RFX3: variants seen among roughly 807,000 people sequenced by gnomAD.
RFX3 encodes transcription factor RFX3.
A neutral mutation model predicts 98.6 loss-of-function variants in RFX3; 14 were observed. The ratio of observed to expected loss-of-function variants is 0.14; its 90% CI spans 0.09 to 0.22. RFX3 has a LOEUF of 0.22. Among genes scored for constraint, RFX3 ranks in the 10% least tolerant of loss-of-function variants. The pLI, the probability that RFX3 is intolerant of heterozygous loss-of-function variation, is 1.00. For missense variants in RFX3, 639 were observed against 926.9 expected (o/e 0.69, Z 4.03); for synonymous variants, 383 against 328.4 (o/e 1.17, Z -1.80).
At chr9:3,226,184 GTCTCCAT>G (rs561798381) in intron 16 of RFX3, among the ~76,000 whole-genome samples, 2 of 152,068 alleles carry the variant, frequency 1.3e-5, no homozygotes, top group Non-Finnish European at 2.9e-5. Context: ...ACAGAGTCAG[GTCTCCAT>G]TCTCTACTGT....
chr9:3,477,985 G>GTT (rs1425871086), intron 1 of RFX3, among the ~76,000 whole-genome samples: 3 of 151,962 alleles, frequency 2.0e-5, no homozygotes, highest in Non-Finnish European at 4.4e-5. Context: ...GAACTTCCTT[G>GTT]TTTTTTAATA....
chr9:3,278,840 T>C (rs377148040), intron 7 of RFX3, among the ~76,000 whole-genome samples: 21 of 151,896 alleles, frequency 1.4e-4, no homozygotes, highest in East Asian at 7.7e-4. Context: ...GGGGAAGAGA[T>C]TGGAAATCAG....
intron 4 of RFX3, among the ~76,000 whole-genome samples, chr9:3,327,545 A>G (rs183287760): frequency 4.0e-4 from 61 of 152,258 alleles, no homozygotes; most frequent in African/African-American, 1.4e-3. Flanking sequence ...ATTTTTCCAT[A>G]CAAAAGTTAC....
In RFX3 at chr9:3,224,179, A is replaced by G. The variant is rs964395833; in HGVS notation, c.*863T>C. On this transcript the variant is annotated 3_prime_UTR_variant, in exon 17 of 17. Transcript: ENST00000617270. The stretch of plus-strand genomic sequence containing the variant: ...AGTAGCATGTACACTTAAAAAAAAA[A>G]AGTCAAGTCTTTTTTTTCTGCTTCA... 1.3e-5 allele frequency: 2 copies of G among 152,118 alleles called. No individual in the cohort carries two copies. The highest frequency in any genetic ancestry group is 4.8e-5 in the African/African-American group (2 of 41,432). The allele number at this position is 152,118 out of a possible 1,614,324, so 9.4% of individuals were successfully genotyped here. A position where few individuals can be genotyped will look rare whatever the true frequency, so the allele number is the denominator to read the frequency against.
At chr9:3,486,828 T>C (rs1167819348) in intron 1 of RFX3, among the ~76,000 whole-genome samples, 2 of 152,188 alleles carry the variant, frequency 1.3e-5, no homozygotes, top group Non-Finnish European at 2.9e-5. Flanking sequence ...GGGCCCCAGA[T>C]ACGATTTATT....
intron 12 of RFX3, among the ~76,000 whole-genome samples, chr9:3,263,629 A>T (rs1823208430): frequency 6.6e-6 from 1 of 152,348 alleles, no homozygotes; most frequent in East Asian, 1.9e-4. Flanking sequence ...AGGCGAGATT[A>T]TCAGAGGCAA....
At chr9:3,436,055 A>C (rs1294189974) in intron 1 of RFX3, among the ~76,000 whole-genome samples, 1 of 152,024 alleles carries the variant, frequency 6.6e-6, no homozygotes, top group African/African-American at 2.4e-5. Context: ...GGTCATGTAC[A>C]TCCTTGAAAG....
chr9:3,328,641 T>C (rs1832207121), intron 4 of RFX3, among the ~76,000 whole-genome samples: 1 of 152,110 alleles, frequency 6.6e-6, no homozygotes, highest in Non-Finnish European at 1.5e-5. Flanking sequence ...CTGATGTTAG[T>C]AACAAATAGC....
chr9:3,511,667 CACAA>C (rs1333794122), intron 1 of RFX3, among the ~76,000 whole-genome samples: 2 of 152,004 alleles, frequency 1.3e-5, no homozygotes, highest in African/African-American at 4.8e-5. Flanking sequence ...CAAATATACC[CACAA>C]ACAAAGTTAA....
At chr9:3,240,269 A>G (rs540059868) in intron 15 of RFX3, among the ~76,000 whole-genome samples, 1 of 152,334 alleles carries the variant, frequency 6.6e-6, no homozygotes, top group African/African-American at 2.4e-5. Context: ...ATATTTAGAC[A>G]CATGGTATCC....
chr9:3,368,830 T>C lies in RFX3; in HGVS notation c.118-22066A>G, dbSNP rs76859089. 2.0e-5 allele frequency among the ~76,000 whole-genome samples: 3 copies of C among 152,342 alleles called. No individual in the cohort carries two copies. The East Asian group carries it at 5.8e-4, about 29-fold the overall frequency. ...CAGAGTTAATTTCAATGTTCTGTCATCCACTTACATCTTAGTATAACTAGC... is the reference window on the plus strand; with the variant it reads ...CAGAGTTAATTTCAATGTTCTGTCACCCACTTACATCTTAGTATAACTAGC... On this transcript the variant is annotated intron_variant, in intron 2 of 16. Transcript: ENST00000617270.
chr9:3,219,958 G>C lies in RFX3; in HGVS notation c.*5084C>G, dbSNP rs1391307559. 1 of 152,128 alleles carries C rather than the reference G, an allele frequency of 6.6e-6. No homozygotes were observed. The highest frequency in any genetic ancestry group is 2.4e-5 in the African/African-American group (1 of 41,414). 9.4% of individuals were successfully genotyped at this position (152,128 alleles called of 1,614,324 possible). A position where few individuals can be genotyped will look rare whatever the true frequency, so the allele number is the denominator to read the frequency against. The stretch of plus-strand genomic sequence containing the variant: ...ACTGCTTTCATGTTCGATCACGCAG[G>C]GAACAGAGGGAATCAAGTGCACGAA... On this transcript the variant is annotated 3_prime_UTR_variant, in exon 17 of 17. Coordinates refer to ENST00000617270, the MANE Select transcript of RFX3 (RefSeq NM_001282116.2).
intron 1 of RFX3, among the ~76,000 whole-genome samples, chr9:3,504,935 A>ATATATAATATAACATATATTAT (rs1564185846): frequency 1.4e-4 from 9 of 63,928 alleles, no homozygotes; most frequent in African/African-American, 6.4e-4. Context: ...TATTATATAT[A>ATATATAATATAACATATATTAT]ATATATATAA....
At chr9:3,489,121 T>C (rs1233118573) in intron 1 of RFX3, among the ~76,000 whole-genome samples, 1 of 152,178 alleles carries the variant, frequency 6.6e-6, no homozygotes, top group Non-Finnish European at 1.5e-5. Flanking sequence ...TATTTTTAAA[T>C]AATACCAATT....
chr9:3,238,624 T>C (rs765539715), intron 15 of RFX3, among the ~76,000 whole-genome samples: 3 of 152,218 alleles, frequency 2.0e-5, no homozygotes, highest in Non-Finnish European at 2.9e-5. Flanking sequence ...CCTGACTCAA[T>C]GCTTCTCTTT....
chr9:3,422,867 C>T (rs1377265669), intron 1 of RFX3, among the ~76,000 whole-genome samples: 1 of 152,050 alleles, frequency 6.6e-6, no homozygotes, highest in Non-Finnish European at 1.5e-5. Flanking sequence ...TATATAATTA[C>T]AGTAGGATTG....
At chr9:3,479,849 C>G (rs774700646) in intron 1 of RFX3, among the ~76,000 whole-genome samples, 2 of 152,140 alleles carry the variant, frequency 1.3e-5, no homozygotes, top group African/African-American at 2.4e-5. Flanking sequence ...TGAGATTTCT[C>G]TGAAGAGACT....
chr9:3,520,193 G>C (rs192389708), intron 1 of RFX3, among the ~76,000 whole-genome samples: 2 of 152,286 alleles, frequency 1.3e-5, no homozygotes, highest in African/African-American at 4.8e-5. Flanking sequence ...ACCTATTTTA[G>C]CAAGACCAGT....
intron 3 of RFX3, chr9:3,344,839 T>G (rs1321736744): frequency 1.4e-6 from 1 of 715,532 alleles, no homozygotes; most frequent in East Asian, 2.7e-5. Context: ...AGTTTAAGTT[T>G]ATGGTGAAGA....
Sources: allele counts gnomAD v4.1 joint callset (sites outside exome capture counted in the v4.1 genomes callset), GRCh38; gene constraint gnomAD v4.1.1; transcripts MANE v1.5; gene names NCBI Gene and HGNC (gene_info 2026-07-23, HGNC 2026-07-21).